FAM117B: variants seen among roughly 807,000 people sequenced by gnomAD.
FAM117B encodes the protein protein FAM117B.
FAM117B carries 22 observed loss-of-function variants against 52.8 expected under a neutral mutation model. The observed-to-expected ratio is 0.42, with a 90% CI of 0.30 to 0.59. The LOEUF (loss-of-function observed/expected upper bound fraction) is 0.59, where lower values mean the gene tolerates loss of function less well. Ranked by LOEUF, FAM117B falls within the 20% of genes least tolerant of loss-of-function variation. The pLI is 0.22. For missense variants in FAM117B, 678 were observed against 802.6 expected (o/e 0.84, Z 1.88); for synonymous variants, 309 against 324.1 (o/e 0.95, Z 0.50).
intron 2 of FAM117B, among the ~76,000 whole-genome samples, chr2:202,704,905 A>G (rs1432571754): frequency 6.6e-6 from 1 of 152,006 alleles, no homozygotes; most frequent in African/African-American, 2.4e-5. Flanking sequence ...GCCTGGCCTG[A>G]TTTTGAAATA....
chr2:202,675,436 A>T (rs1690363363), intron 1 of FAM117B, among the ~76,000 whole-genome samples: 1 of 94,134 alleles, frequency 1.1e-5, no homozygotes, highest in Non-Finnish European at 1.9e-5. Flanking sequence ...ACAGAGTGAG[A>T]CCTTATCTCA....
intron 1 of FAM117B, among the ~76,000 whole-genome samples, chr2:202,668,651 T>A (rs199775655): frequency 2.1e-5 from 3 of 142,154 alleles, no homozygotes; most frequent in Admixed American, 1.4e-4. Context: ...AATAAATAAA[T>A]AAAATAAAAG....
chr2:202,712,669 G>C lies in FAM117B; in HGVS notation c.754-12248G>C, dbSNP rs1221331187. 2.0e-5 allele frequency among the ~76,000 whole-genome samples: 3 copies of C among 151,942 alleles called. No individual in the cohort carries two copies. The East Asian group carries it at 5.8e-4, about 29-fold the overall frequency. The stretch of plus-strand genomic sequence containing the variant: ...GTTTCCATTTTTCCCTATTCAATAT[G>C]ACACTAGCTATGGGTCTGCCATAAA... On this transcript the variant is annotated intron_variant, in intron 2 of 7. Coordinates refer to ENST00000392238, the MANE Select transcript of FAM117B (RefSeq NM_173511.4).
rs781743179 is a variant in FAM117B, at chr2:202,635,603, G to GGCCGCCGCC, written c.428_436dup (p.Pro143_Pro145dup). The GGCCGCCGCC allele has an allele frequency of 7.8e-7, 1 of 1,280,000 alleles. No homozygotes were observed. Among genetic ancestry groups the GGCCGCCGCC allele is most frequent in the Non-Finnish European group, 9.8e-7 (1 of 1,019,228 alleles). 79.3% of individuals were successfully genotyped at this position (1,280,000 alleles called of 1,614,324 possible). A position where few individuals can be genotyped will look rare whatever the true frequency, so the allele number is the denominator to read the frequency against. ...CCTGGAGCTCGCGGGAGCCCCCCAC[G>GGCCGCCGCC]GCCGCCGCCGCCGCCGCCGCTGCTG... On this transcript the variant is annotated inframe_insertion, in exon 1 of 8. Transcript: ENST00000392238.
intron 1 of FAM117B, among the ~76,000 whole-genome samples, chr2:202,653,127 A>G (rs1166698633): frequency 6.6e-6 from 1 of 152,052 alleles, no homozygotes; most frequent in Non-Finnish European, 1.5e-5. Flanking sequence ...AATTAGCTAG[A>G]TGAGGTGGCA....
At position 202,635,573 on chromosome 2, in the gene FAM117B, C is replaced by G. The variant is rs1350479025; in HGVS notation, c.386C>G (p.Ala129Gly). The G allele has an allele frequency of 2.4e-6, 3 of 1,234,696 alleles. No homozygotes were observed. The highest frequency in any genetic ancestry group is 4.4e-5 in the Admixed American group (1 of 22,542). The allele number at this position is 1,234,696 out of a possible 1,614,324, so 76.5% of individuals were successfully genotyped here. A position where few individuals can be genotyped will look rare whatever the true frequency, so the allele number is the denominator to read the frequency against. ...CGAGGCACCAGCCCCACGCGCAGCG[C>G]CGCGCCTGGAGCTCGCGGGAGCCCC... ...STRGTSPTRS[A>G]APGARGSPPR... The change falls in exon 1 of 8, where the codon GCC (alanine) becomes GGC (glycine). Residue 129 changes from alanine (A) to glycine (G), a missense_variant. Physicochemically the swap from Ala to Gly is moderately conservative, Grantham distance 60 (BLOSUM62 0). Around this residue, in one of 3 missense-constraint regions of FAM117B, gnomAD observed 583 missense variants for 644.8 expected, o/e 0.90. Transcript: ENST00000392238.
At chr2:202,753,206 A>G (rs1691752173) in intron 4 of FAM117B, among the ~76,000 whole-genome samples, 1 of 152,204 alleles carries the variant, frequency 6.6e-6, no homozygotes, top group African/African-American at 2.4e-5. Flanking sequence ...GACCTTAGAA[A>G]TAACACCACA....
At chr2:202,695,511 G>A (rs920819239) in intron 1 of FAM117B, among the ~76,000 whole-genome samples, 2 of 152,098 alleles carry the variant, frequency 1.3e-5, no homozygotes, top group African/African-American at 2.4e-5. Context: ...TGACTGTCAT[G>A]GTTTTGCAGT....
intron 1 of FAM117B, among the ~76,000 whole-genome samples, chr2:202,638,182 T>G (rs780754735): frequency 4.6e-5 from 7 of 152,184 alleles, no homozygotes; most frequent in Non-Finnish European, 1.0e-4. Context: ...CAGCCACTAG[T>G]TAAGTAACTC....
At chr2:202,681,036 T>C (rs1375601388) in intron 1 of FAM117B, among the ~76,000 whole-genome samples, 2 of 152,142 alleles carry the variant, frequency 1.3e-5, no homozygotes, top group Non-Finnish European at 2.9e-5. Flanking sequence ...TGAATGACAA[T>C]AGTAGCACAA....
intron 4 of FAM117B, among the ~76,000 whole-genome samples, chr2:202,742,543 G>C (rs1559113823): frequency 6.6e-6 from 1 of 152,068 alleles, no homozygotes; most frequent in Admixed American, 6.5e-5. Context: ...AATGGATTAA[G>C]GATCTAAATG....
chr2:202,696,387 G>A (rs1477367562), intron 2 of FAM117B, among the ~76,000 whole-genome samples: 1 of 152,000 alleles, frequency 6.6e-6, no homozygotes, highest in South Asian at 2.1e-4. Flanking sequence ...ATTGGGCCAC[G>A]CATAAAATAC....
chr2:202,702,158 C>T (rs753036488), intron 2 of FAM117B, among the ~76,000 whole-genome samples: 2 of 152,060 alleles, frequency 1.3e-5, no homozygotes, highest in Non-Finnish European at 2.9e-5. Context: ...TTTGGGAGGA[C>T]GAGGTGGGCA....
chr2:202,710,023 TA>T (rs1438312579), intron 2 of FAM117B, among the ~76,000 whole-genome samples: 2 of 152,240 alleles, frequency 1.3e-5, no homozygotes, highest in African/African-American at 4.8e-5. Flanking sequence ...TTATTTTTAT[TA>T]CTGTAACTTT....
intron 1 of FAM117B, among the ~76,000 whole-genome samples, chr2:202,647,734 A>G (rs1689892183): frequency 1.3e-5 from 2 of 152,186 alleles, no homozygotes; most frequent in South Asian, 4.1e-4. Context: ...TGCTTCCAAA[A>G]CAACTTGGTT....
At chr2:202,683,675 C>T (rs766376236) in intron 1 of FAM117B, among the ~76,000 whole-genome samples, 1 of 152,020 alleles carries the variant, frequency 6.6e-6, no homozygotes, top group Non-Finnish European at 1.5e-5. Context: ...TTAAAATATT[C>T]CCAAAATGAA....
At chr2:202,699,449 G>GAAAA (rs59522030) in intron 2 of FAM117B, among the ~76,000 whole-genome samples, 62 of 100,010 alleles carry the variant, frequency 6.2e-4, no homozygotes, top group Middle Eastern at 6.8e-3. Flanking sequence ...AAAAAAAAAA[G>GAAAA]AAAAAAAAAA....
At chr2:202,689,517 A>G (rs1247043639) in intron 1 of FAM117B, among the ~76,000 whole-genome samples, 1 of 152,190 alleles carries the variant, frequency 6.6e-6, no homozygotes, top group East Asian at 1.9e-4. Context: ...TATGCTGAAT[A>G]TTTATCATTT....
intron 4 of FAM117B, among the ~76,000 whole-genome samples, chr2:202,737,632 C>T (rs955911723): frequency 6.6e-6 from 1 of 151,734 alleles, no homozygotes; most frequent in African/African-American, 2.4e-5. Flanking sequence ...GACAGAGTCT[C>T]GCTCTGTAGT....
Sources: allele counts gnomAD v4.1 joint callset (sites outside exome capture counted in the v4.1 genomes callset), GRCh38; gene constraint gnomAD v4.1.1; regional missense constraint gnomAD v4.1.1; transcripts MANE v1.5; gene names NCBI Gene and HGNC (gene_info 2026-07-23, HGNC 2026-07-21).